The following SAMD3 variants were observed in gnomAD, a reference collection of about 807,000 sequenced individuals.
SAMD3 encodes the protein sterile alpha motif domain-containing protein 3.
Under a neutral mutation model 58.5 loss-of-function variants are expected in SAMD3, and 63 were observed. The ratio of observed to expected loss-of-function variants is 1.08; its 90% CI spans 0.88 to 1.33. The LOEUF (loss-of-function observed/expected upper bound fraction) is 1.33. Among genes scored for constraint, SAMD3 ranks in the 40% most tolerant of loss-of-function variants. The pLI is 0.00. For synonymous variants in SAMD3, 220 were observed against 210.3 expected, an observed-to-expected ratio of 1.05 and a Z score of -0.40; for missense variants, 604 against 608.4, an observed-to-expected ratio of 0.99 and a Z score of 0.08.
intron 2 of SAMD3, among the ~76,000 whole-genome samples, chr6:130,259,754 G>A (rs1313204092): frequency 6.6e-6 from 1 of 152,096 alleles, no homozygotes; most frequent in African/African-American, 2.4e-5. Flanking sequence ...AAAGTTATAG[G>A]AAGTAACACA....
intron 5 of SAMD3, among the ~76,000 whole-genome samples, chr6:130,205,168 A>AG (rs1794977441): frequency 6.6e-6 from 1 of 151,768 alleles, no homozygotes; most frequent in African/African-American, 2.4e-5. Flanking sequence ...AAAAAAAAAA[A>AG]AAAATTAGTA....
chr6:130,190,420 T>C (rs975895671), intron 5 of SAMD3, among the ~76,000 whole-genome samples: 8 of 152,074 alleles, frequency 5.3e-5, no homozygotes, highest in Non-Finnish European at 1.0e-4. Context: ...AAAGCGGCCA[T>C]TCTAACAATG....
intron 2 of SAMD3, among the ~76,000 whole-genome samples, chr6:130,303,696 C>T (rs1445640533): frequency 6.6e-6 from 1 of 152,114 alleles, no homozygotes; most frequent in South Asian, 2.1e-4. Flanking sequence ...TGCTCTACCA[C>T]CCCAGTCCAA....
At chr6:130,216,240 T>A (rs1300698482) in intron 2 of SAMD3, among the ~76,000 whole-genome samples, 3 of 142,120 alleles carry the variant, frequency 2.1e-5, no homozygotes, top group Non-Finnish European at 4.5e-5. Context: ...CTGATGGACT[T>A]GGAGAGGGGT....
chr6:130,277,435 T>C (rs889250547), intron 2 of SAMD3, among the ~76,000 whole-genome samples: 5 of 152,234 alleles, frequency 3.3e-5, no homozygotes, highest in Non-Finnish European at 7.3e-5. Context: ...TTATAATCTT[T>C]GCAAAGGCAA....
chr6:130,236,310 C>A (rs112976505), intron 2 of SAMD3, among the ~76,000 whole-genome samples: 1 of 151,682 alleles, frequency 6.6e-6, no homozygotes, highest in African/African-American at 2.4e-5. Flanking sequence ...ACAAAGACAG[C>A]GGAAGTTAGA....
chr6:130,282,817 T>C (rs1201659185), intron 2 of SAMD3, among the ~76,000 whole-genome samples: 2 of 152,104 alleles, frequency 1.3e-5, no homozygotes, highest in African/African-American at 4.8e-5. Flanking sequence ...AAGAAAGAGA[T>C]TGGTATAAAA....
Position 130,309,158 on chromosome 6 carries a change from A to G in SAMD3, c.-188+3820T>C, listed in dbSNP as rs572202657. Among the ~76,000 whole-genome samples, 33 of 152,324 alleles carry G rather than the reference A, an allele frequency of 2.2e-4. 2 individuals are homozygous for G. Among genetic ancestry groups the G allele is most frequent in the African/African-American group, 7.9e-4 (33 of 41,574 alleles). ...TTCAAGCACTGTAGTCATAACTTAAAAGATGCATGTAGAGTACTTGATATC... is the reference window on the plus strand; with the variant it reads ...TTCAAGCACTGTAGTCATAACTTAAGAGATGCATGTAGAGTACTTGATATC... On this transcript the variant is annotated intron_variant, in intron 2 of 13. Transcript: ENST00000368134.
chr6:130,242,622 T>C (rs1773401214), intron 2 of SAMD3, among the ~76,000 whole-genome samples: 1 of 152,172 alleles, frequency 6.6e-6, no homozygotes, highest in Non-Finnish European at 1.5e-5. Flanking sequence ...AAGAAGGAAG[T>C]GGCCATGTAA....
At chr6:130,269,907 G>T (rs1251021120) in intron 2 of SAMD3, among the ~76,000 whole-genome samples, 1 of 151,756 alleles carries the variant, frequency 6.6e-6, no homozygotes, top group East Asian at 1.9e-4. Flanking sequence ...AATTTCTATT[G>T]TCATTCCTTT....
chr6:130,155,802 GC>G (rs765449095), intron 8 of SAMD3, among the ~76,000 whole-genome samples: 5 of 152,144 alleles, frequency 3.3e-5, no homozygotes, highest in African/African-American at 7.2e-5. Context: ...ACATAGGAAA[GC>G]CTCAGTAGAT....
At chr6:130,216,766 C>A (rs1327453062) in intron 1 of SAMD3, 150 bp from the exon 2 acceptor site, 1 of 152,134 alleles carries the variant, frequency 6.6e-6, no homozygotes, top group African/African-American at 2.4e-5. Flanking sequence ...CAAACAGTAG[C>A]CACAGAACCC....
chr6:130,156,323 C>CA (rs919336908), intron 8 of SAMD3, among the ~76,000 whole-genome samples: 41 of 149,120 alleles, frequency 2.7e-4, no homozygotes, highest in African/African-American at 7.4e-4. Context: ...AAGACTGTCT[C>CA]AAAAAAAAAG....
chr6:130,156,111 G>A (rs1789755669), intron 8 of SAMD3, among the ~76,000 whole-genome samples: 1 of 152,048 alleles, frequency 6.6e-6, no homozygotes, highest in African/African-American at 2.4e-5. Context: ...GGACGAGTCA[G>A]GAGGATCACC....
intron 2 of SAMD3, among the ~76,000 whole-genome samples, chr6:130,312,457 A>G (rs1162379162): frequency 6.6e-6 from 1 of 152,150 alleles, no homozygotes; most frequent in Non-Finnish European, 1.5e-5. Flanking sequence ...AGTCCTCCTC[A>G]GCCAGAGGTG....
chr6:130,360,845 C>G lies in SAMD3; in HGVS notation c.-304+4275G>C, dbSNP rs572132452. Among the ~76,000 whole-genome samples the G allele has an allele frequency of 5.9e-5, 9 of 152,288 alleles. No individual in the cohort carries two copies. The South Asian group carries it at 1.5e-3, about 25-fold the overall frequency. On this transcript the variant is annotated intron_variant, in intron 1 of 13. Coordinates refer to the SAMD3 transcript ENST00000368134. ...AGAGACCCACCCTCAGGGGCATATT[C>G]TCTTTCTCAGGGATGTTCATTGCTG... is the stretch of plus-strand genomic sequence containing the variant.
intron 10 of SAMD3, among the ~76,000 whole-genome samples, 181 bp from the exon 11 acceptor site, chr6:130,145,603 C>T (rs1449152648): frequency 2.0e-5 from 3 of 152,160 alleles, no homozygotes; most frequent in Admixed American, 6.5e-5. Flanking sequence ...TTCAAAATCT[C>T]GTATCTGCCC....
intron 1 of SAMD3, among the ~76,000 whole-genome samples, chr6:130,348,618 C>G (rs1777541599): frequency 6.6e-6 from 1 of 152,128 alleles, no homozygotes; most frequent in Admixed American, 6.5e-5. Context: ...GACTCCCACA[C>G]AATAATAATG....
intron 2 of SAMD3, among the ~76,000 whole-genome samples, chr6:130,244,544 A>T (rs1469397592): frequency 1.3e-5 from 2 of 152,220 alleles, no homozygotes; most frequent in East Asian, 3.9e-4. Context: ...GTTCGAGATC[A>T]GCCTGACCAA....
Sources: gnomAD v4.1 joint callset for allele counts (sites outside exome capture counted in the v4.1 genomes callset) on GRCh38, gnomAD v4.1.1 for gene constraint, MANE v1.5 for transcripts, NCBI Gene and HGNC (gene_info 2026-07-23, HGNC 2026-07-21) for gene names.